Variants in KIRREL3 observed in about 807,000 individuals in gnomAD.
The protein encoded by KIRREL3 is kin of IRRE-like protein 3.
In KIRREL3, 36 loss-of-function variants were observed where a neutral mutation model predicts 89.7. The observed-to-expected ratio is 0.40, with a 90% CI of 0.31 to 0.53. The LOEUF (loss-of-function observed/expected upper bound fraction) is 0.53. Among genes scored for constraint, KIRREL3 ranks in the 20% least tolerant of loss-of-function variants. KIRREL3 has a pLI of 0.49. For missense variants in KIRREL3, 864 were observed against 1,056.6 expected, an observed-to-expected ratio of 0.82 and a Z score of 2.53; for synonymous variants, 445 against 441.4, an observed-to-expected ratio of 1.01 and a Z score of -0.10.
In KIRREL3 at chr11:126,782,141, G is replaced by C. The variant is rs1169649083; in HGVS notation, c.55+218314C>G. Among the ~76,000 whole-genome samples, 1 of 152,112 alleles carries C rather than the reference G, an allele frequency of 6.6e-6. No individual in the cohort carries two copies. Among genetic ancestry groups the C allele is most frequent in the Non-Finnish European group, 1.5e-5 (1 of 68,032 alleles). On this transcript the variant is annotated intron_variant, in intron 1 of 16. Transcript: ENST00000525144. This position sits in a 1 kb window ranked among gnomAD's most constrained non-coding sequence, Gnocchi z 4.1. ...ATTGCTCAGCCTTCCTAGGAATTAGGTTCAGGCCTGAGACTTAAAAGAGTC... is the reference window on the plus strand; with the variant it reads ...ATTGCTCAGCCTTCCTAGGAATTAGCTTCAGGCCTGAGACTTAAAAGAGTC...
At chr11:126,547,130 T>G (rs1938870078) in intron 2 of KIRREL3, among the ~76,000 whole-genome samples, 1 of 152,236 alleles carries the variant, frequency 6.6e-6, no homozygotes, top group Non-Finnish European at 1.5e-5. Flanking sequence ...GATTTACTCT[T>G]GTTTGACAAA....
intron 2 of KIRREL3, among the ~76,000 whole-genome samples, chr11:126,532,577 T>C (rs749774723): frequency 6.6e-6 from 1 of 152,128 alleles, no homozygotes; most frequent in South Asian, 2.1e-4. Flanking sequence ...GGTTTCACCA[T>C]GTTGGCCAGA....
At chr11:126,746,376 G>A (rs181704307) in intron 1 of KIRREL3, among the ~76,000 whole-genome samples, 37 of 152,200 alleles carry the variant, frequency 2.4e-4, no homozygotes, top group Admixed American at 1.3e-3. Flanking sequence ...GGGTAATTCC[G>A]CTTGGGACTT....
chr11:126,921,580 T>TTCTA (rs201891981), intron 1 of KIRREL3, among the ~76,000 whole-genome samples: 3,421 of 32,122 alleles, frequency 0.11, 199 homozygotes, highest in East Asian at 0.11. Context: ...TATATCTGTC[T>TTCTA]TCTATCTATC....
In KIRREL3 at chr11:126,694,863, C is replaced by T. The variant is rs973541566; in HGVS notation, c.56-131951G>A. Among the ~76,000 whole-genome samples, 12 of 152,144 alleles carry T rather than the reference C, an allele frequency of 7.9e-5. No individual in the cohort carries two copies. Among genetic ancestry groups the T allele is most frequent in the Non-Finnish European group, 1.8e-4 (12 of 68,018 alleles). ...TGGGGACTGGAAGAGACAGGTAAGT[C>T]CCCAACCTATCTTCATTTTCTTAAC... On this transcript the variant is annotated intron_variant, in intron 1 of 16. Coordinates refer to ENST00000525144, the MANE Select transcript of KIRREL3 (RefSeq NM_032531.4). The surrounding 1 kb of genome is among the most constrained non-coding windows in gnomAD (Gnocchi z 4.4).
In KIRREL3 at chr11:126,954,986, C is replaced by T. The variant is rs1198701716; in HGVS notation, c.55+45469G>A. Among the ~76,000 whole-genome samples the T allele has an allele frequency of 2.6e-5, 4 of 152,170 alleles. No homozygotes were observed. Among genetic ancestry groups the T allele is most frequent in the Admixed American group, 6.5e-5 (1 of 15,274 alleles). ...CAGTGGTTCATACAGATGTGTTACACGTGCCCTAGCTCAGCTGAGGCTGAG... is the reference window on the plus strand; with the variant it reads ...CAGTGGTTCATACAGATGTGTTACATGTGCCCTAGCTCAGCTGAGGCTGAG... On this transcript the variant is annotated intron_variant, in intron 1 of 16. Coordinates refer to ENST00000525144, the MANE Select transcript of KIRREL3 (RefSeq NM_032531.4). The surrounding 1 kb of genome is among the most constrained non-coding windows in gnomAD (Gnocchi z 4.1).
chr11:126,440,217 A>C, intron 11 of KIRREL3: 10 of 689,174 alleles, frequency 1.5e-5, no homozygotes, highest in African/African-American at 1.8e-5. Flanking sequence ...CGTTCATGTC[A>C]GAGCTCAGCA....
intron 1 of KIRREL3, among the ~76,000 whole-genome samples, chr11:126,926,390 T>C (rs1331873482): frequency 2.6e-5 from 4 of 152,226 alleles, no homozygotes; most frequent in African/African-American, 9.7e-5. Flanking sequence ...GTAGTTATGC[T>C]CATTTGAATA....
intron 1 of KIRREL3, among the ~76,000 whole-genome samples, chr11:126,911,982 C>CAAAAAAAAAA (rs34548052): frequency 1.1e-5 from 1 of 91,732 alleles, no homozygotes; most frequent in African/African-American, 4.7e-5. Flanking sequence ...GACTCTGTCT[C>CAAAAAAAAAA]AAAAAAAAAA....
rs1944977054 is a variant in KIRREL3 at position 126,867,945 on chromosome 11, C to T, written c.55+132510G>A. Among the ~76,000 whole-genome samples, 1 of 151,956 alleles carries T rather than the reference C, an allele frequency of 6.6e-6. No homozygotes were observed. Among genetic ancestry groups the T allele is most frequent in the Admixed American group, 6.6e-5 (1 of 15,254 alleles). On this transcript the variant is annotated intron_variant, in intron 1 of 16. Coordinates refer to ENST00000525144, the MANE Select transcript of KIRREL3 (RefSeq NM_032531.4). The surrounding 1 kb of genome is among the most constrained non-coding windows in gnomAD (Gnocchi z 4.7). ...ACCTCAGAGCTAGACATGCAATAGG[C>T]ATTCAATATAAACTTGATCATTCAT...
rs1457424832 is a variant in KIRREL3, at chr11:126,612,660, C to T, written c.56-49748G>A. Reference sequence around the variant, plus strand: ...AATAAACCCCACACCCATCACTCCCCATTTCTGTCCCCGTCGGTAGCCATT... The same window carrying T: ...AATAAACCCCACACCCATCACTCCCTATTTCTGTCCCCGTCGGTAGCCATT... On this transcript the variant is annotated intron_variant, in intron 1 of 16. Coordinates refer to ENST00000525144, the MANE Select transcript of KIRREL3 (RefSeq NM_032531.4). The surrounding 1 kb of genome is among the most constrained non-coding windows in gnomAD (Gnocchi z 4.5). Among the ~76,000 whole-genome samples, 1 of 152,200 alleles carries T rather than the reference C, an allele frequency of 6.6e-6. No homozygotes were observed. Among genetic ancestry groups the T allele is most frequent in the East Asian group, 1.9e-4 (1 of 5,202 alleles).
At chr11:126,840,607 G>C (rs575090549) in intron 1 of KIRREL3, among the ~76,000 whole-genome samples, 1 of 152,278 alleles carries the variant, frequency 6.6e-6, no homozygotes, top group South Asian at 2.1e-4. Flanking sequence ...GGAAATTCTA[G>C]GAACAAAAAA....
rs1225551209 is a variant in KIRREL3, at chr11:126,708,380, T to G, written c.56-145468A>C. Among the ~76,000 whole-genome samples, 1 of 152,222 alleles carries G rather than the reference T, an allele frequency of 6.6e-6. No individual in the cohort carries two copies. The highest frequency in any genetic ancestry group is 1.9e-4 in the East Asian group (1 of 5,200). ...AGTGCTCCTGCTTAGGAATTCTATTTGTTTTTCTCTTGGAAAATGGGGAAG... is the reference window on the plus strand; with the variant it reads ...AGTGCTCCTGCTTAGGAATTCTATTGGTTTTTCTCTTGGAAAATGGGGAAG... On this transcript the variant is annotated intron_variant, in intron 1 of 16. Transcript: ENST00000525144. This position sits in a 1 kb window ranked among gnomAD's most constrained non-coding sequence, Gnocchi z 5.7.
chr11:126,827,664 G>T lies in KIRREL3; in HGVS notation c.55+172791C>A, dbSNP rs530655423. On this transcript the variant is annotated intron_variant, in intron 1 of 16. Transcript: ENST00000525144. The stretch of plus-strand genomic sequence containing the variant: ...TATGGCTGCACCATTACATAGGTGG[G>T]CATATCCCAAAGTGACTGCCTTAAA... Among the ~76,000 whole-genome samples, 4 of 152,308 alleles carry T rather than the reference G, an allele frequency of 2.6e-5. No homozygotes were observed. The Middle Eastern group carries it at 0.014, about 518-fold the overall frequency.
intron 1 of KIRREL3, among the ~76,000 whole-genome samples, chr11:126,951,801 C>G (rs1948780406): frequency 6.6e-6 from 1 of 152,208 alleles, no homozygotes; most frequent in Non-Finnish European, 1.5e-5. Context: ...GCAGGAGCCA[C>G]CAGTCGCTGG....
chr11:126,446,275 T>TCTC (rs1565457724), intron 9 of KIRREL3, among the ~76,000 whole-genome samples: 2 of 130,602 alleles, frequency 1.5e-5, no homozygotes, highest in African/African-American at 5.9e-5. Flanking sequence ...TCTCTCTTTC[T>TCTC]TTTCTTTCTC....
At chr11:126,746,229 T>G (rs543736678) in intron 1 of KIRREL3, among the ~76,000 whole-genome samples, 2 of 152,326 alleles carry the variant, frequency 1.3e-5, no homozygotes, top group South Asian at 4.1e-4. Flanking sequence ...TCCTGGGCAT[T>G]TGGGGATATG....
intron 1 of KIRREL3, among the ~76,000 whole-genome samples, chr11:126,785,247 A>T (rs1382731770): frequency 6.6e-6 from 1 of 152,178 alleles, no homozygotes; most frequent in Non-Finnish European, 1.5e-5. Context: ...ACAGCAAGCC[A>T]GGTGTCTCCT....
At chr11:126,737,003 T>G (rs1948823620) in intron 1 of KIRREL3, among the ~76,000 whole-genome samples, 1 of 152,184 alleles carries the variant, frequency 6.6e-6, no homozygotes, top group Non-Finnish European at 1.5e-5. Context: ...TTATTTAGAT[T>G]TCAGGGAAAA....
Sources: allele counts gnomAD v4.1 joint callset (sites outside exome capture counted in the v4.1 genomes callset), GRCh38; gene constraint gnomAD v4.1.1; non-coding constraint Gnocchi (gnomAD v3.1); transcripts MANE v1.5; gene names NCBI Gene and HGNC (gene_info 2026-07-23, HGNC 2026-07-21).